The following ST8SIA1 variants were observed in gnomAD, a reference collection of about 807,000 sequenced individuals.
The protein encoded by ST8SIA1 is alpha-N-acetylneuraminide alpha-2,8-sialyltransferase.
In ST8SIA1, 16 loss-of-function variants were observed where a neutral mutation model predicts 35.9. That is an observed-to-expected ratio of 0.45 (90% confidence interval 0.30 to 0.68). The LOEUF is 0.68. Among genes scored for constraint, ST8SIA1 ranks in the 30% least tolerant of loss-of-function variants. The pLI is 0.09. For missense variants in ST8SIA1, 383 were observed against 453.6 expected, an observed-to-expected ratio of 0.84 and a Z score of 1.41; for synonymous variants, 170 against 169.6, an observed-to-expected ratio of 1.00 and a Z score of -0.02.
rs199894680 is a variant in ST8SIA1, at chr12:22,195,434, G to GTTGTTTTGTT, written c.*6108_*6117dup. Reference sequence around the variant, plus strand: ...CTTTTCTCTCTTTTTTTTTCTGTTTGTTGTTTTGTTTTGTTTTGTTTTGTT... The same window carrying GTTGTTTTGTT: ...CTTTTCTCTCTTTTTTTTTCTGTTTGTTGTTTTGTTTTGTTTTGTTTTGTTTTGTTTTGTT... On this transcript the variant is annotated 3_prime_UTR_variant, in exon 5 of 5. Transcript: ENST00000396037. The GTTGTTTTGTT allele has an allele frequency of 6.6e-6, 1 of 151,288 alleles. No individual in the cohort carries two copies. The highest frequency in any genetic ancestry group is 1.5e-5 in the Non-Finnish European group (1 of 67,962). 9.4% of individuals were successfully genotyped at this position (151,288 alleles called of 1,614,324 possible). A position where few individuals can be genotyped will look rare whatever the true frequency, so the allele number is the denominator to read the frequency against.
chr12:22,316,865 T>C (rs904173181), intron 1 of ST8SIA1, among the ~76,000 whole-genome samples: 1 of 152,168 alleles, frequency 6.6e-6, no homozygotes, highest in Non-Finnish European at 1.5e-5. Flanking sequence ...ATTATAATTT[T>C]TCACCTATAT....
intron 1 of ST8SIA1, among the ~76,000 whole-genome samples, chr12:22,305,355 A>G (rs960715846): frequency 6.6e-6 from 1 of 151,068 alleles, no homozygotes; most frequent in Non-Finnish European, 1.5e-5. Flanking sequence ...TAATATTAGA[A>G]TTGTCTTAAG....
intron 4 of ST8SIA1, among the ~76,000 whole-genome samples, chr12:22,234,295 G>GA (rs760556550): frequency 1.2e-3 from 189 of 151,202 alleles, no homozygotes; most frequent in Non-Finnish European, 2.3e-3. Flanking sequence ...TAACTATAAA[G>GA]AAAAAAACAC....
At chr12:22,238,718 G>A (rs1412662210) in intron 4 of ST8SIA1, among the ~76,000 whole-genome samples, 1 of 152,146 alleles carries the variant, frequency 6.6e-6, no homozygotes, top group Admixed American at 6.6e-5. Context: ...CAGTATTTTA[G>A]TTGTCTTTCG....
intron 4 of ST8SIA1, among the ~76,000 whole-genome samples, chr12:22,220,443 C>T (rs1865284293): frequency 6.6e-6 from 1 of 152,106 alleles, no homozygotes; most frequent in African/African-American, 2.4e-5. Context: ...ACAATTCTAC[C>T]ATTCAGAGTT....
chr12:22,235,067 C>T (rs1380230789), intron 4 of ST8SIA1, among the ~76,000 whole-genome samples: 14 of 151,954 alleles, frequency 9.2e-5, no homozygotes, highest in Admixed American at 6.6e-4. Flanking sequence ...TGTGTGTGTG[C>T]GCAGGGTGTG....
At chr12:22,202,078 A>T (rs1415022987) in intron 4 of ST8SIA1, 40 bp from the exon 5 acceptor site, 2 of 1,520,486 alleles carry the variant, frequency 1.3e-6, no homozygotes, top group Admixed American at 4.5e-5. Flanking sequence ...AAACCTAGAG[A>T]AAAAGAAACT....
At chr12:22,219,694 A>G (rs1397389348) in intron 4 of ST8SIA1, among the ~76,000 whole-genome samples, 1 of 152,138 alleles carries the variant, frequency 6.6e-6, no homozygotes, top group African/African-American at 2.4e-5. Flanking sequence ...GCAGCTAGAG[A>G]GTGTATTTGC....
intron 2 of ST8SIA1, among the ~76,000 whole-genome samples, chr12:22,264,532 C>A (rs1286953597): frequency 1.3e-5 from 2 of 152,128 alleles, no homozygotes; most frequent in African/African-American, 2.4e-5. Context: ...ATTTAACTAG[C>A]CCCTTGGCAG....
chr12:22,246,044 TTTCC>T (rs887275553), intron 4 of ST8SIA1, among the ~76,000 whole-genome samples: 1 of 152,130 alleles, frequency 6.6e-6, no homozygotes, highest in African/African-American at 2.4e-5. Flanking sequence ...TAAATAAGCG[TTTCC>T]TTGAGTTCTG....
chr12:22,325,440 C>T, intron 1 of ST8SIA1: 2 of 701,914 alleles, frequency 2.8e-6, no homozygotes, highest in Non-Finnish European at 5.2e-6. Flanking sequence ...TGGCTGCTTC[C>T]CTCTCATGCA....
At position 22,287,190 on chromosome 12, in the gene ST8SIA1, A is replaced by C. The variant is rs750159608; in HGVS notation, c.340T>G (p.Ser114Ala). Residue 114 changes from serine (S) to alanine (A), a missense_variant, in exon 2 of 5, where the codon TCA (serine) becomes GCA (alanine). Ser to Ala is a moderately conservative substitution (Grantham distance 99, BLOSUM62 1). Coordinates refer to ENST00000396037, the MANE Select transcript of ST8SIA1 (RefSeq NM_003034.4). Reference protein sequence around the residue: ...SMWYDGEFLYSFTIDNSTYSL... With the variant: ...SMWYDGEFLYAFTIDNSTYSL... The stretch of plus-strand genomic sequence containing the variant: ...TAAGTTGAATTGTCAATGGTGAATG[A>C]GTATAAAAACTCCCCGTCATACCAC... 2 of 1,614,118 alleles carry C rather than the reference A, an allele frequency of 1.2e-6. No individual in the cohort carries two copies. The highest frequency in any genetic ancestry group is 2.2e-5 in the South Asian group (2 of 91,082).
chr12:22,236,228 GA>G (rs1389083137), intron 4 of ST8SIA1, among the ~76,000 whole-genome samples: 1 of 151,898 alleles, frequency 6.6e-6, no homozygotes, highest in Non-Finnish European at 1.5e-5. Flanking sequence ...TTCCACTCCC[GA>G]AACAACACAG....
chr12:22,271,070 A>G (rs991861207), intron 2 of ST8SIA1, among the ~76,000 whole-genome samples: 1 of 152,132 alleles, frequency 6.6e-6, no homozygotes, highest in African/African-American at 2.4e-5. Context: ...AGGCACATAG[A>G]TTTCCTTTTT....
intron 1 of ST8SIA1, among the ~76,000 whole-genome samples, chr12:22,321,192 G>A (rs1447554116): frequency 6.6e-6 from 1 of 152,156 alleles, no homozygotes; most frequent in Admixed American, 6.5e-5. Context: ...AAAGGGAGAC[G>A]GAAAGATAGA....
intron 2 of ST8SIA1, among the ~76,000 whole-genome samples, chr12:22,284,179 A>G (rs1866068330): frequency 1.3e-5 from 2 of 152,016 alleles, no homozygotes; most frequent in South Asian, 4.2e-4. Flanking sequence ...AACGACAAAA[A>G]AACAAAAGTA....
chr12:22,255,215 G>A, intron 3 of ST8SIA1, 65 bp downstream of exon 3: 1 of 1,316,848 alleles, frequency 7.6e-7, no homozygotes, highest in Non-Finnish European at 1.1e-6. Flanking sequence ...AAAGCCCCAG[G>A]GCTTATGGGA....
chr12:22,227,763 T>C (rs1865375414), intron 4 of ST8SIA1, among the ~76,000 whole-genome samples: 3 of 152,210 alleles, frequency 2.0e-5, no homozygotes, highest in Admixed American at 2.0e-4. Flanking sequence ...TTTGAGTATT[T>C]GTGCATTTTC....
In ST8SIA1 at chr12:22,198,411, T is replaced by C. The variant is rs906369973; in HGVS notation, c.*3141A>G. 3.3e-5 allele frequency: 5 copies of C among 152,008 alleles called. No homozygotes were observed. Among genetic ancestry groups the C allele is most frequent in the African/African-American group, 1.2e-4 (5 of 41,370 alleles). The allele number at this position is 152,008 out of a possible 1,614,324, so 9.4% of individuals were successfully genotyped here. A position where few individuals can be genotyped will look rare whatever the true frequency, so the allele number is the denominator to read the frequency against. ...AAAGAAAGATAATGGGAGCTTAGAA[T>C]TGAAGATCTTAATAATAGAGTATTC... On this transcript the variant is annotated 3_prime_UTR_variant, in exon 5 of 5. Coordinates refer to ENST00000396037, the MANE Select transcript of ST8SIA1 (RefSeq NM_003034.4).
Sources: allele counts gnomAD v4.1 joint callset (sites outside exome capture counted in the v4.1 genomes callset), GRCh38; gene constraint gnomAD v4.1.1; transcripts MANE v1.5; gene names NCBI Gene and HGNC (gene_info 2026-07-23, HGNC 2026-07-21).